DLGAP2: variants seen among roughly 807,000 people sequenced by gnomAD.
DLGAP2 encodes the protein DLG associated protein 2, also known as disks large-associated protein 2.
Under a neutral mutation model 100.3 loss-of-function variants are expected in DLGAP2, and 26 were observed. The ratio of observed to expected loss-of-function variants is 0.26; its 90% CI spans 0.19 to 0.36. The LOEUF (loss-of-function observed/expected upper bound fraction) is 0.36, where lower values mean the gene tolerates loss of function less well. Among genes scored for constraint, DLGAP2 ranks in the 10% least tolerant of loss-of-function variants. The pLI, the probability that DLGAP2 is intolerant of heterozygous loss-of-function variation, is 1.00. For synonymous variants in DLGAP2, 886 were observed against 630.1 expected (o/e 1.41, Z -6.08); for missense variants, 1,858 against 1,453.2 (o/e 1.28, Z -4.53).
At chr8:1,208,991 G>C (rs899571315) in intron 2 of DLGAP2, among the ~76,000 whole-genome samples, 9 of 152,154 alleles carry the variant, frequency 5.9e-5, no homozygotes, top group African/African-American at 2.2e-4. Context: ...ACTGATGAAA[G>C]AAATCATAGA....
At chr8:1,376,047 A>C (rs7833789) in intron 3 of DLGAP2, among the ~76,000 whole-genome samples, 790 of 15,896 alleles carry the variant, frequency 0.05, 16 homozygotes, top group Admixed American at 0.068. Flanking sequence ...GGTTAACGAC[A>C]CCTCTCCACG....
chr8:1,536,234 G>A (rs1801149824), intron 4 of DLGAP2, among the ~76,000 whole-genome samples: 1 of 152,004 alleles, frequency 6.6e-6, no homozygotes, highest in African/African-American at 2.4e-5. Flanking sequence ...TCTGAACTTG[G>A]GAAAGTCACC....
intron 2 of DLGAP2, among the ~76,000 whole-genome samples, chr8:909,693 C>A (rs1370204408): frequency 6.6e-6 from 1 of 152,026 alleles, no homozygotes; most frequent in East Asian, 1.9e-4. Context: ...CTGTGGAAGA[C>A]CATAGGCTTT....
intron 3 of DLGAP2, among the ~76,000 whole-genome samples, chr8:1,418,841 A>G (rs1006725242): frequency 5.3e-5 from 8 of 152,220 alleles, no homozygotes; most frequent in Non-Finnish European, 8.8e-5. Flanking sequence ...ACCAGGGCCA[A>G]TCCCAAGTCT....
chr8:1,146,613 G>A (rs999548864), intron 2 of DLGAP2, among the ~76,000 whole-genome samples: 1 of 152,120 alleles, frequency 6.6e-6, no homozygotes, highest in African/African-American at 2.4e-5. Flanking sequence ...GTGTGTGCAT[G>A]CACGTGTGTG....
intron 2 of DLGAP2, among the ~76,000 whole-genome samples, chr8:1,109,380 T>C (rs201242745): frequency 2.5e-3 from 21 of 8,332 alleles, no homozygotes; most frequent in Admixed American, 5.3e-3. Context: ...CTGTGAGGTG[T>C]GCACGGGTCT....
chr8:1,177,485 A>C (rs1461874125), intron 2 of DLGAP2, among the ~76,000 whole-genome samples: 1 of 152,034 alleles, frequency 6.6e-6, no homozygotes, highest in Non-Finnish European at 1.5e-5. Flanking sequence ...TTCTGAATGC[A>C]TGGTGTTGAT....
At chr8:1,700,640 G>A (rs1799539607) in intron 14 of DLGAP2, among the ~76,000 whole-genome samples, 1 of 152,176 alleles carries the variant, frequency 6.6e-6, no homozygotes, top group Non-Finnish European at 1.5e-5. Flanking sequence ...AGTGAATAGT[G>A]GTTTTATAAA....
chr8:1,260,990 G>C (rs1017206379), intron 3 of DLGAP2, among the ~76,000 whole-genome samples: 1 of 152,210 alleles, frequency 6.6e-6, no homozygotes, highest in Non-Finnish European at 1.5e-5. Flanking sequence ...ACATACTGTC[G>C]GCTCCCAGCA....
intron 2 of DLGAP2, among the ~76,000 whole-genome samples, chr8:1,118,270 C>T (rs1795942995): frequency 6.6e-6 from 1 of 152,192 alleles, no homozygotes; most frequent in Admixed American, 6.5e-5. Flanking sequence ...TCTTCAGCTT[C>T]ACTCTGGTGC....
intron 2 of DLGAP2, among the ~76,000 whole-genome samples, chr8:1,254,629 C>A (rs963697044): frequency 6.6e-6 from 1 of 152,136 alleles, no homozygotes; most frequent in African/African-American, 2.4e-5. Context: ...TTCAGAGCTT[C>A]GTGCTCTCAT....
At chr8:911,863 G>C (rs1798492553) in intron 2 of DLGAP2, among the ~76,000 whole-genome samples, 1 of 152,240 alleles carries the variant, frequency 6.6e-6, no homozygotes, top group South Asian at 2.1e-4. Flanking sequence ...TTCCCTGACA[G>C]TGAGATCTAA....
chr8:1,569,796 T>C (rs1382404923), intron 6 of DLGAP2, among the ~76,000 whole-genome samples: 2 of 152,138 alleles, frequency 1.3e-5, no homozygotes, highest in African/African-American at 4.8e-5. Context: ...ATGGCACTGC[T>C]CTGTGGAGGG....
At chr8:1,544,734 GA>G (rs1801474754) in intron 4 of DLGAP2, among the ~76,000 whole-genome samples, 1 of 122,500 alleles carries the variant, frequency 8.2e-6, no homozygotes. Context: ...TATTTTTGAG[GA>G]TTTTTTTTTT....
At chr8:1,624,462 C>T (rs889579149) in intron 6 of DLGAP2, among the ~76,000 whole-genome samples, 2 of 151,902 alleles carry the variant, frequency 1.3e-5, no homozygotes, top group Non-Finnish European at 2.9e-5. Context: ...GGCACGTGGA[C>T]ACATTCAAAG....
intron 1 of DLGAP2, among the ~76,000 whole-genome samples, chr8:756,808 GTC>G: frequency 6.6e-6 from 1 of 152,234 alleles, no homozygotes; most frequent in East Asian, 1.9e-4. Context: ...CCCGCCTCCG[GTC>G]TCTCTCGGCT....
intron 2 of DLGAP2, among the ~76,000 whole-genome samples, chr8:1,071,649 C>T (rs537214665): frequency 1.1e-4 from 16 of 152,198 alleles, no homozygotes; most frequent in African/African-American, 3.9e-4. Flanking sequence ...GATTTTTAAG[C>T]CTTATTTTTT....
intron 3 of DLGAP2, among the ~76,000 whole-genome samples, chr8:1,281,109 G>A (rs1799805344): frequency 6.6e-6 from 1 of 152,168 alleles, no homozygotes; most frequent in African/African-American, 2.4e-5. Flanking sequence ...TGTATGCCAA[G>A]TTCTTATAGT....
intron 6 of DLGAP2, among the ~76,000 whole-genome samples, chr8:1,593,182 T>C (rs2977200): frequency 0.8 from 120,967 of 152,026 alleles, 48,464 homozygotes; most frequent in East Asian, 0.92. Context: ...AGGCCTGGCG[T>C]GGTGGCTCAC....
Sources: allele counts gnomAD v4.1 joint callset (sites outside exome capture counted in the v4.1 genomes callset), GRCh38; gene constraint gnomAD v4.1.1; transcripts MANE v1.5; gene names NCBI Gene and HGNC (gene_info 2026-07-23, HGNC 2026-07-21).